The following REEP3 variants were observed in gnomAD, a reference collection of about 807,000 sequenced individuals.
The protein encoded by REEP3 is receptor expression-enhancing protein 3.
In REEP3, 20 loss-of-function variants were observed where a neutral mutation model predicts 41.3. The observed-to-expected ratio is 0.48, with a 90% confidence interval of 0.34 to 0.70. The LOEUF is 0.70. Ranked by LOEUF, REEP3 falls within the 30% of genes least tolerant of loss-of-function variation. The probability of loss-of-function intolerance (pLI) is 0.01; values close to 1 mark genes in which losing one functional copy is unlikely to be tolerated. For synonymous variants in REEP3, 104 were observed against 101.8 expected (o/e 1.02, Z -0.13); for missense variants, 271 against 308.8 (o/e 0.88, Z 0.92).
At chr10:63,522,042 G>A (rs934604995) in intron 1 of REEP3, among the ~76,000 whole-genome samples, 6 of 152,084 alleles carry the variant, frequency 3.9e-5, no homozygotes, top group Admixed American at 3.9e-4. Context: ...AGGATGCGAC[G>A]GCAGTGCCGA....
intron 1 of REEP3, 32 bp downstream of exon 1, chr10:63,521,609 C>T: frequency 2.2e-6 from 3 of 1,385,342 alleles, no homozygotes; most frequent in Non-Finnish European, 2.8e-6. Flanking sequence ...CTGCAGCCGG[C>T]GCGAGGCCCA....
chr10:63,594,501 G>T (rs546988440), intron 2 of REEP3, among the ~76,000 whole-genome samples: 9 of 152,254 alleles, frequency 5.9e-5, no homozygotes, highest in African/African-American at 2.2e-4. Flanking sequence ...CCTTGATTTA[G>T]ATTCCTAGAT....
At chr10:63,535,863 T>C (rs1349473981) in intron 1 of REEP3, among the ~76,000 whole-genome samples, 6 of 152,182 alleles carry the variant, frequency 3.9e-5, no homozygotes, top group Admixed American at 1.3e-4. Context: ...TCTGCCCAAG[T>C]GTAAAAAGTA....
At chr10:63,525,591 G>A (rs1955355562) in intron 1 of REEP3, among the ~76,000 whole-genome samples, 1 of 152,036 alleles carries the variant, frequency 6.6e-6, no homozygotes, top group African/African-American at 2.4e-5. Flanking sequence ...GCTAATTTTT[G>A]TATTTTTAGT....
intron 4 of REEP3, among the ~76,000 whole-genome samples, chr10:63,598,609 C>G (rs959468555): frequency 8.6e-5 from 13 of 151,286 alleles, no homozygotes; most frequent in Non-Finnish European, 1.6e-4. Flanking sequence ...ACGGTGAAAC[C>G]CTGTCTCTAC....
At chr10:63,551,717 A>T (rs550892451) in intron 1 of REEP3, among the ~76,000 whole-genome samples, 1 of 152,314 alleles carries the variant, frequency 6.6e-6, no homozygotes, top group South Asian at 2.1e-4. Context: ...TGAGAAACTT[A>T]GTGAGGAGCT....
chr10:63,542,530 A>G (rs1462072097), intron 1 of REEP3, among the ~76,000 whole-genome samples: 1 of 152,234 alleles, frequency 6.6e-6, no homozygotes, highest in African/African-American at 2.4e-5. Context: ...GAACTATATT[A>G]TCTACAAAGA....
intron 1 of REEP3, among the ~76,000 whole-genome samples, chr10:63,559,210 G>A (rs1385792448): frequency 6.6e-6 from 1 of 152,092 alleles, no homozygotes; most frequent in Non-Finnish European, 1.5e-5. Context: ...GAAAATTTCA[G>A]GGGAAAGTAT....
chr10:63,607,218 A>G (rs1445936896), intron 5 of REEP3, among the ~76,000 whole-genome samples: 1 of 152,208 alleles, frequency 6.6e-6, no homozygotes, highest in African/African-American at 2.4e-5. Context: ...TATACAGTGG[A>G]AAGTCCAATT....
At chr10:63,523,292 CT>C (rs1198856392) in intron 1 of REEP3, among the ~76,000 whole-genome samples, 1 of 152,106 alleles carries the variant, frequency 6.6e-6, no homozygotes, top group African/African-American at 2.4e-5. Flanking sequence ...GAAGGGATAT[CT>C]GGTTGGAGAA....
chr10:63,585,812 A>G (rs1295268644), intron 2 of REEP3, among the ~76,000 whole-genome samples: 1 of 152,194 alleles, frequency 6.6e-6, no homozygotes, highest in Non-Finnish European at 1.5e-5. Flanking sequence ...TATGGCTCTT[A>G]TAAATCTACA....
intron 2 of REEP3, among the ~76,000 whole-genome samples, chr10:63,567,130 G>A (rs1426217940): frequency 1.3e-5 from 2 of 152,102 alleles, no homozygotes; most frequent in African/African-American, 2.4e-5. Context: ...ATATTGTATT[G>A]GTGGTGTTAA....
chr10:63,573,945 CTGTG>C (rs982670284), intron 2 of REEP3, among the ~76,000 whole-genome samples: 4 of 152,154 alleles, frequency 2.6e-5, no homozygotes, highest in African/African-American at 9.6e-5. Context: ...GCTTGCTTGT[CTGTG>C]TATTTTCTAT....
At chr10:63,566,551 T>G (rs1159456601) in intron 2 of REEP3, 141 bp downstream of exon 2, 6 of 560,108 alleles carry the variant, frequency 1.1e-5, no homozygotes, top group Non-Finnish European at 1.9e-5. Flanking sequence ...AAACTAATCT[T>G]TTTTAAAATC....
chr10:63,595,545 C>A (rs1956106075), intron 3 of REEP3, among the ~76,000 whole-genome samples: 1 of 152,006 alleles, frequency 6.6e-6, no homozygotes. Flanking sequence ...CACAAACCTT[C>A]TGTCTAAATT....
intron 4 of REEP3, 53 bp downstream of exon 4, chr10:63,598,197 A>T (rs1956134550): frequency 2.2e-6 from 3 of 1,353,604 alleles, no homozygotes; most frequent in Non-Finnish European, 3.0e-6. Flanking sequence ...GCCTAAGCGG[A>T]GGCCAGGTGT....
At chr10:63,544,963 A>G (rs1357825984) in intron 1 of REEP3, among the ~76,000 whole-genome samples, 1 of 152,198 alleles carries the variant, frequency 6.6e-6, no homozygotes, top group South Asian at 2.1e-4. Context: ...TAAAAATGCA[A>G]AATACAAAGG....
At chr10:63,574,607 T>A (rs992698001) in intron 2 of REEP3, among the ~76,000 whole-genome samples, 4 of 152,276 alleles carry the variant, frequency 2.6e-5, no homozygotes, top group Admixed American at 2.6e-4. Flanking sequence ...TCACAGCTGA[T>A]CTCCACAGTA....
At chr10:63,549,020 A>G in intron 1 of REEP3, among the ~76,000 whole-genome samples, 1 of 151,956 alleles carries the variant, frequency 6.6e-6, no homozygotes, top group South Asian at 2.1e-4. Context: ...TAAAAAGTAC[A>G]GCTTACTCAG....
Sources: allele counts gnomAD v4.1 joint callset (sites outside exome capture counted in the v4.1 genomes callset), GRCh38; gene constraint gnomAD v4.1.1; transcripts MANE v1.5; gene names NCBI Gene and HGNC (gene_info 2026-07-23, HGNC 2026-07-21).